Variants in HERC3 observed in about 807,000 individuals in gnomAD.
The protein encoded by HERC3 is HECT and RLD domain containing E3 ubiquitin protein ligase 3, also known as probable E3 ubiquitin-protein ligase HERC3.
A neutral mutation model predicts 129.9 loss-of-function variants in HERC3; 58 were observed. That is an observed-to-expected ratio of 0.45 (90% CI 0.36 to 0.56). HERC3 has a LOEUF of 0.56. Among genes scored for constraint, HERC3 ranks in the 20% least tolerant of loss-of-function variants. The pLI is 0.00. For synonymous variants in HERC3, 430 were observed against 451.0 expected, an observed-to-expected ratio of 0.95 and a Z score of 0.59; for missense variants, 835 against 1,244.2, an observed-to-expected ratio of 0.67 and a Z score of 4.95.
At chr4:88,648,436 G>A (rs1329450695) in intron 3 of HERC3, among the ~76,000 whole-genome samples, 3 of 151,990 alleles carry the variant, frequency 2.0e-5, no homozygotes, top group Non-Finnish European at 2.9e-5. Flanking sequence ...TGCTCCCCTT[G>A]CCTCACATTT....
intron 16 of HERC3, among the ~76,000 whole-genome samples, chr4:88,674,041 T>C (rs563810599): frequency 6.6e-6 from 1 of 152,144 alleles, no homozygotes; most frequent in East Asian, 1.9e-4. Context: ...GCCATCCCAC[T>C]CAACAGAGAG....
At position 88,664,204 on chromosome 4, in the gene HERC3, T is replaced by G; in HGVS notation, c.1323T>G (p.Leu441=). ...SSAACWNGSF[L]EKKIDEHFKT... is the part of the protein sequence containing the mutation. The stretch of plus-strand genomic sequence containing the variant: ...CAGCCTGTTGGAATGGAAGTTTTCT[T>G]GAAAAAAAGTAAGTGACTTAGAGCC... The change falls in exon 12 of 26, where the codon CTT becomes CTG. Residue 441 remains leucine, a synonymous_variant. Transcript: ENST00000402738. The G allele has an allele frequency of 1.9e-6, 3 of 1,613,010 alleles. No homozygotes were observed. In the South Asian group the frequency reaches 3.3e-5, roughly 18 times the overall value.
chr4:88,533,231 C>T, the HERC3 span, among the ~76,000 whole-genome samples: 1 of 152,210 alleles, frequency 6.6e-6, no homozygotes, highest in South Asian at 2.1e-4. Context: ...TCTGCTCATT[C>T]CACCTTCTTC....
At chr4:88,667,764 A>G (rs764892528) in intron 13 of HERC3, 128 bp from the exon 14 acceptor site, 1 of 716,208 alleles carries the variant, frequency 1.4e-6, no homozygotes, top group Non-Finnish European at 2.3e-6. Context: ...TGTCAGGCTC[A>G]TAGTAGGTTC....
chr4:88,624,513 G>T (rs1292167135), intron 3 of HERC3, among the ~76,000 whole-genome samples: 2 of 151,986 alleles, frequency 1.3e-5, no homozygotes, highest in Non-Finnish European at 2.9e-5. Flanking sequence ...TTGCCATTTG[G>T]GTATCTTATC....
the HERC3 span, among the ~76,000 whole-genome samples, chr4:88,545,586 T>A: frequency 7.9e-5 from 12 of 152,070 alleles, no homozygotes; most frequent in East Asian, 1.5e-3. Context: ...GGGAATTATG[T>A]ATGAGAATTT....
intron 12 of HERC3, among the ~76,000 whole-genome samples, chr4:88,666,241 T>C (rs1731035607): frequency 6.6e-6 from 1 of 152,172 alleles, no homozygotes; most frequent in South Asian, 2.1e-4. Context: ...CATCTGTGTA[T>C]TTCAGAAAGT....
At chr4:88,589,986 C>T (rs1489180451), upstream of HERC3, among the ~76,000 whole-genome samples, 4 of 152,132 alleles carry the variant, frequency 2.6e-5, no homozygotes, top group African/African-American at 9.7e-5. Flanking sequence ...ACACTTGAGC[C>T]GGCCGGCACG....
chr4:88,670,737 A>G (rs1211395872), intron 16 of HERC3, among the ~76,000 whole-genome samples: 1 of 152,188 alleles, frequency 6.6e-6, no homozygotes, highest in Non-Finnish European at 1.5e-5. Context: ...AATTAAAAAA[A>G]CAAGACACAT....
chr4:88,601,495 T>A (rs557188590), intron 2 of HERC3, among the ~76,000 whole-genome samples: 1 of 152,258 alleles, frequency 6.6e-6, no homozygotes, highest in African/African-American at 2.4e-5. Context: ...CTCCTTCATA[T>A]GTTGACAGTT....
chr4:88,637,910 C>T (rs1578215977), intron 3 of HERC3, among the ~76,000 whole-genome samples: 1 of 152,250 alleles, frequency 6.6e-6, no homozygotes, highest in East Asian at 1.9e-4. Context: ...AAGGGGATAT[C>T]ACCACTGATC....
intron 16 of HERC3, among the ~76,000 whole-genome samples, chr4:88,671,173 C>T (rs1454916443): frequency 6.6e-6 from 1 of 152,020 alleles, no homozygotes; most frequent in South Asian, 2.1e-4. Context: ...TAGGATCTCC[C>T]ATCTGTGGAG....
chr4:88,565,697 T>C, the HERC3 span, among the ~76,000 whole-genome samples: 1 of 152,280 alleles, frequency 6.6e-6, no homozygotes. Flanking sequence ...TTTCTTTTCA[T>C]TGGATAATTT....
At position 88,653,913 on chromosome 4, in the gene HERC3, G is replaced by A. The variant is rs567326075; in HGVS notation, c.686-129G>A. 7 of 668,032 alleles carry A rather than the reference G, an allele frequency of 1.0e-5. No individual in the cohort carries two copies. The African/African-American group carries it at 1.1e-4, about 10-fold the overall frequency. The allele number at this position is 668,032 out of a possible 1,614,324, so 41.4% of individuals were successfully genotyped here. ...ACTGAGAAGTCTGTTGGATATCCAA[G>A]TACAGATGCAGGCAGGAAACTGAAC... On this transcript the variant is annotated intron_variant, in intron 6 of 25. Coordinates refer to ENST00000402738, the MANE Select transcript of HERC3 (RefSeq NM_014606.3).
chr4:88,537,402 A>G, the HERC3 span, among the ~76,000 whole-genome samples: 2 of 152,180 alleles, frequency 1.3e-5, no homozygotes, highest in Non-Finnish European at 2.9e-5. Flanking sequence ...TGTGTCTGAT[A>G]TTTCTTCATG....
At chr4:88,701,002 A>AGTT (rs1255615180) in intron 23 of HERC3, among the ~76,000 whole-genome samples, 11 of 152,200 alleles carry the variant, frequency 7.2e-5, no homozygotes, top group Non-Finnish European at 1.3e-4. Context: ...ATATCTTAAC[A>AGTT]ACATCCAGAC....
intron 21 of HERC3, among the ~76,000 whole-genome samples, chr4:88,683,145 C>A (rs796522474): frequency 1.3e-5 from 2 of 152,042 alleles, no homozygotes; most frequent in East Asian, 3.9e-4. Context: ...CTGTTCATAT[C>A]CTTTGCCCAC....
At chr4:88,599,420 T>C (rs1722747729) in intron 2 of HERC3, among the ~76,000 whole-genome samples, 1 of 152,210 alleles carries the variant, frequency 6.6e-6, no homozygotes, top group African/African-American at 2.4e-5. Context: ...ATTCCATTAC[T>C]GTAACTCAGT....
the HERC3 span, among the ~76,000 whole-genome samples, chr4:88,540,206 G>A: frequency 2.6e-5 from 4 of 152,126 alleles, no homozygotes; most frequent in Non-Finnish European, 5.9e-5. Flanking sequence ...AAGGTTAGAC[G>A]AATGGCTAAC....
Sources: gnomAD v4.1 joint callset for allele counts (sites outside exome capture counted in the v4.1 genomes callset) on GRCh38, gnomAD v4.1.1 for gene constraint, MANE v1.5 for transcripts, NCBI Gene and HGNC (gene_info 2026-07-23, HGNC 2026-07-21) for gene names.